NKTR: variants seen among roughly 807,000 people sequenced by gnomAD.
NKTR encodes the protein natural killer cell triggering receptor.
NKTR carries 67 observed loss-of-function variants against 156.3 expected under a neutral mutation model. That is an observed-to-expected ratio of 0.43 (90% confidence interval 0.35 to 0.53). The LOEUF (loss-of-function observed/expected upper bound fraction) is 0.53. Among genes scored for constraint, NKTR ranks in the 20% least tolerant of loss-of-function variants. The pLI, the probability that NKTR is intolerant of heterozygous loss-of-function variation, is 0.01. For missense variants in NKTR, 1,604 were observed against 1,730.9 expected (o/e 0.93, Z 1.30); for synonymous variants, 640 against 596.6 (o/e 1.07, Z -1.06).
intron 6 of NKTR, chr3:42,627,411 C>T (rs1708486746): frequency 1.0e-6 from 1 of 984,762 alleles, no homozygotes; most frequent in Non-Finnish European, 1.2e-6. Context: ...ATTTTAACTT[C>T]AGTGGCTTGT....
chr3:42,628,328 ATTC>A, intron 6 of NKTR: 1 of 985,406 alleles, frequency 1.0e-6, no homozygotes, highest in Non-Finnish European at 1.2e-6. Flanking sequence ...AAGTTTGCCT[ATTC>A]TTGGCAGTTT....
At chr3:42,622,110 T>G (rs1018953669) in intron 6 of NKTR, among the ~76,000 whole-genome samples, 2 of 152,068 alleles carry the variant, frequency 1.3e-5, no homozygotes, top group Non-Finnish European at 2.9e-5. Flanking sequence ...TCCACCAAAA[T>G]TTATGAGATT....
intron 15 of NKTR, 136 bp from the exon 16 acceptor site, chr3:42,643,766 T>A: frequency 1.4e-6 from 1 of 692,182 alleles, no homozygotes. Flanking sequence ...CCAGTACTTG[T>A]TTTGGAAATA....
rs1709630360 is a variant in NKTR at position 42,638,659 on chromosome 3, T to TA, written c.2959dup (p.Arg987LysfsTer20). 1 of 1,611,426 alleles carries TA rather than the reference T, an allele frequency of 6.2e-7. No individual in the cohort carries two copies. Among genetic ancestry groups the TA allele is most frequent in the African/African-American group, 1.3e-5 (1 of 74,478 alleles). ...ACAAACATGGGTCAAAGGAAAATCT[T>TA]AAAAGAGAACACACCAAAAAAGTGA... On this transcript the variant is annotated frameshift_variant, in exon 13 of 17. Transcript: ENST00000232978. LOFTEE classifies it high-confidence loss of function.
Position 42,635,339 on chromosome 3 carries a change from G to A in NKTR, c.1136G>A (p.Ser379Asn). ...MQRLRAYRPP[S>N]GEKWSKGDKL... Reference sequence around the variant, plus strand: ...AGATTAAGAGCATATAGACCACCTAGTGGAGAAAAATGGAGTAAAGGAGAT... The same window carrying A: ...AGATTAAGAGCATATAGACCACCTAATGGAGAAAAATGGAGTAAAGGAGAT... The change falls in exon 12 of 17, where the codon AGT (serine) becomes AAT (asparagine). Residue 379 changes from serine (S) to asparagine (N), a missense_variant. By Grantham distance (46) the Ser-to-Asn change is conservative. Transcript: ENST00000232978. 1 of 1,611,884 alleles carries A rather than the reference G, an allele frequency of 6.2e-7. No homozygotes were observed. Among genetic ancestry groups the A allele is most frequent in the Non-Finnish European group, 8.5e-7 (1 of 1,179,150 alleles).
chr3:42,607,768 G>C (rs1183666473), intron 2 of NKTR, among the ~76,000 whole-genome samples: 1 of 151,972 alleles, frequency 6.6e-6, no homozygotes, highest in Non-Finnish European at 1.5e-5. Context: ...AGGGGTAGTT[G>C]GGTAAATTTG....
chr3:42,616,874 G>A (rs934626772), intron 2 of NKTR, among the ~76,000 whole-genome samples: 6 of 152,010 alleles, frequency 3.9e-5, no homozygotes, highest in East Asian at 3.9e-4. Flanking sequence ...AACCTCCTAC[G>A]TCAGCCTCCC....
rs1709730820 is a variant in NKTR at position 42,639,852 on chromosome 3, C to G, written c.4046+102C>G. 4.6e-6 allele frequency: 4 copies of G among 868,142 alleles called. No homozygotes were observed. In the South Asian group the frequency reaches 6.8e-5, roughly 15 times the overall value. 53.8% of individuals were successfully genotyped at this position (868,142 alleles called of 1,614,324 possible). On this transcript the variant is annotated intron_variant, in intron 13 of 16. Coordinates refer to ENST00000232978, the MANE Select transcript of NKTR (RefSeq NM_005385.4). ...GGACAGAATCACTATTTCCAAATAT[C>G]TGAAAGGAATAAGAAGTCTTGTTTT... is the stretch of plus-strand genomic sequence containing the variant.
chr3:42,601,148 G>A lies in NKTR; in HGVS notation c.58+84G>A, dbSNP rs550662264. ...GGTCTACCCTCAGCAACCCTCCCCCGGCCTTTTTGGGAGCGGGTAGGAGGC... is the reference window on the plus strand; with the variant it reads ...GGTCTACCCTCAGCAACCCTCCCCCAGCCTTTTTGGGAGCGGGTAGGAGGC... On this transcript the variant is annotated intron_variant, in intron 2 of 16. Coordinates refer to ENST00000232978, the MANE Select transcript of NKTR (RefSeq NM_005385.4). 4.2e-4 allele frequency: 468 copies of A among 1,115,646 alleles called. 1 individual carries two copies. In the African/African-American group the frequency reaches 7.2e-3, roughly 17 times the overall value. 69.1% of individuals were successfully genotyped at this position (1,115,646 alleles called of 1,614,324 possible).
rs1710332186 is a variant in NKTR, at chr3:42,646,068, A to C, written c.*93A>C. The C allele has an allele frequency of 2.2e-6, 2 of 893,334 alleles. No homozygotes were observed. Among genetic ancestry groups the C allele is most frequent in the African/African-American group, 3.3e-5 (2 of 60,382 alleles). The allele number at this position is 893,334 out of a possible 1,614,324, so 55.3% of individuals were successfully genotyped here. A position where few individuals can be genotyped will look rare whatever the true frequency, so the allele number is the denominator to read the frequency against. On this transcript the variant is annotated 3_prime_UTR_variant, in exon 17 of 17. Coordinates refer to ENST00000232978, the MANE Select transcript of NKTR (RefSeq NM_005385.4). Reference sequence around the variant, plus strand: ...CAGTCTGTTGTTCTATTTCAATATCAGAGGTGAATTTCAAAAATAGACACT... The same window carrying C: ...CAGTCTGTTGTTCTATTTCAATATCCGAGGTGAATTTCAAAAATAGACACT...
At chr3:42,614,095 G>A (rs886709755) in intron 2 of NKTR, among the ~76,000 whole-genome samples, 15 of 151,918 alleles carry the variant, frequency 9.9e-5, no homozygotes, top group African/African-American at 2.4e-4. Context: ...GTGCCCAGCC[G>A]GTATCAACTG....
intron 16 of NKTR, among the ~76,000 whole-genome samples, chr3:42,645,418 CTCACGCCTGTA>C (rs1414718057): frequency 6.6e-6 from 1 of 152,176 alleles, no homozygotes; most frequent in African/African-American, 2.4e-5. Flanking sequence ...GGCACGGTGG[CTCACGCCTGTA>C]ATCCCAGCAC....
intron 4 of NKTR, chr3:42,619,427 G>C (rs1046483166): frequency 1.5e-6 from 2 of 1,331,686 alleles, no homozygotes; most frequent in Admixed American, 3.6e-5. Context: ...TGTTTTTGGT[G>C]TTATTACTGT....
intron 6 of NKTR, among the ~76,000 whole-genome samples, chr3:42,623,988 T>C (rs997945512): frequency 5.9e-5 from 9 of 152,162 alleles, no homozygotes; most frequent in African/African-American, 2.2e-4. Flanking sequence ...GTGCTGTTAG[T>C]ATGGGTATTT....
intron 2 of NKTR, among the ~76,000 whole-genome samples, chr3:42,613,889 G>A (rs1363766152): frequency 6.6e-6 from 1 of 152,138 alleles, no homozygotes; most frequent in Non-Finnish European, 1.5e-5. Flanking sequence ...CCTTAGCCAT[G>A]TATAAAAGCA....
chr3:42,627,341 T>C (rs1708483456), intron 6 of NKTR: 1 of 984,738 alleles, frequency 1.0e-6, no homozygotes, highest in Admixed American at 6.2e-5. Flanking sequence ...TTTATCTGTA[T>C]AGCAGCAGTA....
Position 42,638,006 on chromosome 3 carries a change from G to T in NKTR, c.2302G>T (p.Val768Phe), listed in dbSNP as rs563296099. 9.9e-6 allele frequency: 16 copies of T among 1,614,064 alleles called. No homozygotes were observed. Among genetic ancestry groups the T allele is most frequent in the Non-Finnish European group, 1.1e-5 (13 of 1,179,988 alleles). The part of the protein sequence containing the change: ...RLRSSGKKNS[V>F]SHKKHSSSSE... ...TAGATCCAGTGGGAAAAAAAATAGC[G>T]TTTCACATAAAAAGCATAGCAGCAG... is the stretch of plus-strand genomic sequence containing the variant. Residue 768 changes from valine to phenylalanine, a missense_variant, in exon 13 of 17, where the codon GTT becomes TTT. Val to Phe is a conservative substitution (Grantham distance 50). Transcript: ENST00000232978.
chr3:42,632,972 G>A (rs1709053867), intron 9 of NKTR, 149 bp downstream of exon 9: 4 of 1,322,402 alleles, frequency 3.0e-6, no homozygotes, highest in South Asian at 2.6e-5. Flanking sequence ...GGCAAATCTA[G>A]GAGTAGGTAG....
intron 2 of NKTR, among the ~76,000 whole-genome samples, chr3:42,605,174 C>T (rs1706117759): frequency 6.6e-6 from 1 of 152,154 alleles, no homozygotes; most frequent in African/African-American, 2.4e-5. Flanking sequence ...AATATAGTTA[C>T]TTCCGTTTTA....
Sources: gnomAD v4.1 joint callset for allele counts (sites outside exome capture counted in the v4.1 genomes callset) on GRCh38, gnomAD v4.1.1 for gene constraint, MANE v1.5 for transcripts, NCBI Gene and HGNC (gene_info 2026-07-23, HGNC 2026-07-21) for gene names.